The following PPP1R16B variants were observed in gnomAD, a reference collection of about 807,000 sequenced individuals.
The protein encoded by PPP1R16B is protein phosphatase 1 regulatory inhibitor subunit 16B.
In PPP1R16B, 14 loss-of-function variants were observed where a neutral mutation model predicts 61.7. The observed-to-expected ratio is 0.23, with a 90% CI of 0.15 to 0.35. The LOEUF is 0.35. Among genes scored for constraint, PPP1R16B ranks in the 10% least tolerant of loss-of-function variants. PPP1R16B has a pLI of 1.00. For synonymous variants in PPP1R16B, 266 were observed against 305.3 expected, an observed-to-expected ratio of 0.87 and a Z score of 1.34; for missense variants, 547 against 752.5, an observed-to-expected ratio of 0.73 and a Z score of 3.19.
intron 2 of PPP1R16B, among the ~76,000 whole-genome samples, chr20:38,839,969 A>T (rs1054756494): frequency 6.6e-6 from 1 of 152,214 alleles, no homozygotes; most frequent in Non-Finnish European, 1.5e-5. Context: ...AAAGTGCTAG[A>T]CCCCATGGGC....
At chr20:38,824,133 C>T (rs1486745594) in intron 1 of PPP1R16B, among the ~76,000 whole-genome samples, 1 of 152,202 alleles carries the variant, frequency 6.6e-6, no homozygotes, top group Non-Finnish European at 1.5e-5. Flanking sequence ...AGAGTTGGTG[C>T]AGTGATTCCC....
intron 2 of PPP1R16B, among the ~76,000 whole-genome samples, chr20:38,878,929 G>A (rs764022244): frequency 5.3e-5 from 8 of 152,196 alleles, no homozygotes; most frequent in Non-Finnish European, 7.3e-5. Flanking sequence ...GAGCAAGAGC[G>A]AGTCAGAAAG....
intron 1 of PPP1R16B, among the ~76,000 whole-genome samples, chr20:38,817,627 G>C (rs1568651667): frequency 6.6e-6 from 1 of 151,266 alleles, no homozygotes; most frequent in Non-Finnish European, 1.5e-5. Context: ...GGCAAGTGCT[G>C]AGCACGGTGC....
intron 7 of PPP1R16B, among the ~76,000 whole-genome samples, chr20:38,906,474 T>C (rs2085444568): frequency 6.6e-6 from 1 of 151,906 alleles, no homozygotes; most frequent in Admixed American, 6.6e-5. Flanking sequence ...TTTGTATTTT[T>C]AGTAGAGACA....
chr20:38,891,510 C>T, intron 3 of PPP1R16B, among the ~76,000 whole-genome samples: 1 of 152,130 alleles, frequency 6.6e-6, no homozygotes. Flanking sequence ...GAAATATTAT[C>T]ATCCCCAGGC....
intron 5 of PPP1R16B, among the ~76,000 whole-genome samples, chr20:38,902,054 C>T (rs1329115105): frequency 6.6e-6 from 1 of 152,194 alleles, no homozygotes; most frequent in Non-Finnish European, 1.5e-5. Context: ...TTTTACGGAG[C>T]ATGTCATCCT....
chr20:38,898,433 GTTC>G (rs1302270067), intron 4 of PPP1R16B, among the ~76,000 whole-genome samples: 4 of 152,136 alleles, frequency 2.6e-5, no homozygotes, highest in African/African-American at 4.8e-5. Context: ...CGCCAGCTTT[GTTC>G]TTCTTTTTCA....
chr20:38,918,575 C>G lies in PPP1R16B; in HGVS notation c.1613C>G (p.Thr538Arg). 6.5e-7 allele frequency: 1 copy of G among 1,538,342 alleles called. No homozygotes were observed. Among genetic ancestry groups the G allele is most frequent in the Non-Finnish European group, 8.7e-7 (1 of 1,143,172 alleles). ...AGCAATGGGACCTCGGTATATTACA[C>G]GGTCACCAGCGGAGATCCCCCACTC... ...YSSNGTSVYY[T>R]VTSGDPPLLK... Residue 538 changes from threonine to arginine, a missense_variant, in exon 11 of 11, where the codon ACG becomes AGG. By Grantham distance (71) the Thr-to-Arg change is moderately conservative. Coordinates refer to ENST00000299824, the MANE Select transcript of PPP1R16B (RefSeq NM_015568.4). The surrounding 1 kb of genome is among the most constrained non-coding windows in gnomAD (Gnocchi z 5.3).
At chr20:38,911,711 A>G (rs1470223723) in intron 10 of PPP1R16B, among the ~76,000 whole-genome samples, 1 of 151,100 alleles carries the variant, frequency 6.6e-6, no homozygotes, top group East Asian at 2.0e-4. Context: ...TAATTTTTCT[A>G]TTTTTAGTAG....
chr20:38,840,333 G>T (rs967521037), intron 2 of PPP1R16B, among the ~76,000 whole-genome samples: 1 of 152,174 alleles, frequency 6.6e-6, no homozygotes, highest in Non-Finnish European at 1.5e-5. Flanking sequence ...CCTGCCTGGG[G>T]AATGTGAGTT....
At chr20:38,847,243 T>A (rs187653367) in intron 2 of PPP1R16B, among the ~76,000 whole-genome samples, 1 of 152,348 alleles carries the variant, frequency 6.6e-6, no homozygotes, top group East Asian at 1.9e-4. Flanking sequence ...ATATTTGATA[T>A]ATGGAAAATA....
At chr20:38,857,351 A>G (rs2085015466) in intron 2 of PPP1R16B, among the ~76,000 whole-genome samples, 1 of 152,182 alleles carries the variant, frequency 6.6e-6, no homozygotes. Context: ...AGGCTTTATA[A>G]TTTTTTAATT....
rs1363910866 is a variant in PPP1R16B at position 38,844,863 on chromosome 20, T to C, written c.250+8688T>C. ...TTACTGTGAAAATTATTTTGATGTT[T>C]TAATACCCTGAAAGAGTCTAGAGAC... On this transcript the variant is annotated intron_variant, in intron 2 of 10. Coordinates refer to ENST00000299824, the MANE Select transcript of PPP1R16B (RefSeq NM_015568.4). 2.6e-5 allele frequency among the ~76,000 whole-genome samples: 4 copies of C among 152,176 alleles called. No homozygotes were observed. The East Asian group carries it at 7.7e-4, about 29-fold the overall frequency.
At chr20:38,904,280 G>A (rs911476401) in intron 6 of PPP1R16B, among the ~76,000 whole-genome samples, 15 of 152,326 alleles carry the variant, frequency 9.8e-5, no homozygotes, top group Middle Eastern at 3.4e-3. Context: ...CTAGACACAG[G>A]GATCTTCTCT....
At chr20:38,892,479 C>T (rs886408240) in intron 3 of PPP1R16B, among the ~76,000 whole-genome samples, 2 of 152,122 alleles carry the variant, frequency 1.3e-5, no homozygotes, top group Non-Finnish European at 2.9e-5. Flanking sequence ...GAGACATCCA[C>T]CCTCATTAGC....
intron 10 of PPP1R16B, among the ~76,000 whole-genome samples, chr20:38,912,503 C>CAAAA (rs58456397): frequency 3.7e-5 from 3 of 81,008 alleles, no homozygotes; most frequent in African/African-American, 4.5e-5. Flanking sequence ...TACCCCCCAC[C>CAAAA]AAAAAAAAAA....
chr20:38,898,364 C>T (rs1308744106), intron 4 of PPP1R16B, among the ~76,000 whole-genome samples: 1 of 152,152 alleles, frequency 6.6e-6, no homozygotes, highest in African/African-American at 2.4e-5. Context: ...TTTATGCCAG[C>T]CCCACACTGT....
chr20:38,909,812 C>T (rs929490066), intron 10 of PPP1R16B, among the ~76,000 whole-genome samples: 9 of 152,042 alleles, frequency 5.9e-5, no homozygotes, highest in Non-Finnish European at 8.8e-5. Flanking sequence ...GGAGAGGGCA[C>T]GTAGGGAAGA....
At chr20:38,840,787 T>G (rs2084904438) in intron 2 of PPP1R16B, among the ~76,000 whole-genome samples, 1 of 152,224 alleles carries the variant, frequency 6.6e-6, no homozygotes, top group Non-Finnish European at 1.5e-5. Context: ...TAGCTGTGCA[T>G]CCTTGGGAAA....
Sources: allele counts gnomAD v4.1 joint callset (sites outside exome capture counted in the v4.1 genomes callset), GRCh38; gene constraint gnomAD v4.1.1; non-coding constraint Gnocchi (gnomAD v3.1); transcripts MANE v1.5; gene names NCBI Gene and HGNC (gene_info 2026-07-23, HGNC 2026-07-21).